Variants in TGFBI observed in about 807,000 individuals in gnomAD.
TGFBI encodes transforming growth factor-beta-induced protein ig-h3.
A neutral mutation model predicts 73.7 loss-of-function variants in TGFBI; 50 were observed. That is an observed-to-expected ratio of 0.68 (90% CI 0.54 to 0.86). The LOEUF (loss-of-function observed/expected upper bound fraction) is 0.86, where lower values mean the gene tolerates loss of function less well. Ranked by LOEUF, TGFBI falls within the 40% of genes least tolerant of loss-of-function variation. The pLI, the probability that TGFBI is intolerant of heterozygous loss-of-function variation, is 0.00. For missense variants in TGFBI, 839 were observed against 877.0 expected (o/e 0.96, Z 0.55); for synonymous variants, 362 against 360.5 (o/e 1.00, Z -0.05).
rs191330120 is a variant in TGFBI, at chr5:136,062,286, G to A, written c.1987-377G>A. On this transcript the variant is annotated intron_variant, in intron 15 of 16. Transcript: ENST00000442011. ...TAAACCCAGAGGCCTGGAGCTTACT[G>A]TGTCACTTTACTTTTGTACACAGGG... Among the ~76,000 whole-genome samples the A allele has an allele frequency of 6.6e-5, 10 of 152,244 alleles. No homozygotes were observed. The East Asian group carries it at 1.7e-3, about 27-fold the overall frequency.
intron 11 of TGFBI, among the ~76,000 whole-genome samples, 192 bp downstream of exon 11, chr5:136,056,008 A>G (rs1285565180): frequency 6.6e-6 from 1 of 152,194 alleles, no homozygotes; most frequent in African/African-American, 2.4e-5. Context: ...ATTGGGAAGA[A>G]GGGTTACTTC....
At chr5:136,042,462 C>A (rs757757827) in intron 2 of TGFBI, among the ~76,000 whole-genome samples, 8 of 152,282 alleles carry the variant, frequency 5.3e-5, no homozygotes, top group Non-Finnish European at 7.3e-5. Flanking sequence ...TACACCACAC[C>A]ACCTTTGAAA....
At chr5:136,043,186 G>C (rs1751370011) in intron 2 of TGFBI, among the ~76,000 whole-genome samples, 1 of 152,188 alleles carries the variant, frequency 6.6e-6, no homozygotes, top group Non-Finnish European at 1.5e-5. Flanking sequence ...AGCAGAACCT[G>C]GGGATTTGGT....
At chr5:136,040,879 C>G (rs900732841) in intron 2 of TGFBI, among the ~76,000 whole-genome samples, 1 of 152,186 alleles carries the variant, frequency 6.6e-6, no homozygotes, top group Admixed American at 6.5e-5. Context: ...TTGCTCCCAG[C>G]CCATCCAACC....
At chr5:136,035,437 C>G (rs1268478014) in intron 2 of TGFBI, among the ~76,000 whole-genome samples, 1 of 152,078 alleles carries the variant, frequency 6.6e-6, no homozygotes, top group Non-Finnish European at 1.5e-5. Flanking sequence ...TCCTGGCTAA[C>G]ATGGTGAAAC....
intron 11 of TGFBI, 24 bp from the exon 12 acceptor site, chr5:136,056,641 C>T (rs778698555): frequency 6.2e-7 from 1 of 1,613,654 alleles, no homozygotes; most frequent in South Asian, 1.1e-5. Context: ...TGACAGGTGA[C>T]ATTTTCTGTG....
chr5:136,051,145 A>T (rs1751525334), intron 7 of TGFBI, among the ~76,000 whole-genome samples: 1 of 152,038 alleles, frequency 6.6e-6, no homozygotes. Context: ...AGACCTCAGA[A>T]CTCCTTACTA....
chr5:136,039,593 C>T (rs1368054406), intron 2 of TGFBI, among the ~76,000 whole-genome samples: 1 of 152,230 alleles, frequency 6.6e-6, no homozygotes, highest in Non-Finnish European at 1.5e-5. Flanking sequence ...ATCCCCAAGA[C>T]CGCTCATCAG....
At chr5:136,056,055 G>A (rs1360823087) in intron 11 of TGFBI, among the ~76,000 whole-genome samples, 1 of 152,170 alleles carries the variant, frequency 6.6e-6, no homozygotes, top group African/African-American at 2.4e-5. Context: ...GAAGCAGGGA[G>A]GGGGGACTAC....
At chr5:136,054,899 C>G in intron 10 of TGFBI, 38 bp downstream of exon 10, 1 of 1,603,750 alleles carries the variant, frequency 6.2e-7, no homozygotes, top group Non-Finnish European at 8.5e-7. Flanking sequence ...CTGGGAAGCT[C>G]CTTACTGTGG....
chr5:136,033,282 A>G (rs1751155462), intron 1 of TGFBI, among the ~76,000 whole-genome samples: 1 of 152,170 alleles, frequency 6.6e-6, no homozygotes, highest in Non-Finnish European at 1.5e-5. Context: ...CTAAGTAATG[A>G]ACAACTGAGA....
chr5:136,057,908 A>G (rs1482220775), intron 12 of TGFBI, among the ~76,000 whole-genome samples: 1 of 152,156 alleles, frequency 6.6e-6, no homozygotes, highest in African/African-American at 2.4e-5. Context: ...TCCAGCAAGA[A>G]TGGAATATTC....
At chr5:136,044,254 GC>G in intron 3 of TGFBI, 132 bp downstream of exon 3, 1 of 757,644 alleles carries the variant, frequency 1.3e-6, no homozygotes, top group South Asian at 1.7e-5. Context: ...CTCCCCACGT[GC>G]CCACTGGCCC....
chr5:136,046,126 C>A (rs990486053), intron 3 of TGFBI: 3 of 511,272 alleles, frequency 5.9e-6, no homozygotes, highest in African/African-American at 5.7e-5. Context: ...TAGTTGAGTT[C>A]ACGTAGACAG....
rs45455404 is a variant in TGFBI at position 136,046,989 on chromosome 5, A to T, written c.598A>T (p.Ile200Phe). The T allele has an allele frequency of 6.3e-5, 102 of 1,613,004 alleles. No homozygotes were observed. In the African/African-American group the frequency reaches 1.2e-3, roughly 19 times the overall value. Residue 200 changes from isoleucine (I) to phenylalanine (F), a missense_variant, in exon 5 of 17, where the codon ATC becomes TTC. By Grantham distance (21) the Ile-to-Phe change is conservative. Coordinates refer to ENST00000442011, the MANE Select transcript of TGFBI (RefSeq NM_000358.3). ...CACCTCTATGTACCAGAATTCCAAC[A>T]TCCAGATCCACCACTATCCTAATGG... ...TLTSMYQNSN[I>F]QIHHYPNGIV...
intron 3 of TGFBI, among the ~76,000 whole-genome samples, chr5:136,045,380 T>C (rs1232918950): frequency 7.2e-5 from 11 of 152,048 alleles, no homozygotes. Flanking sequence ...CTGTCTCTAC[T>C]AAAAATACAA....
chr5:136,042,552 G>A (rs1751357717), intron 2 of TGFBI, among the ~76,000 whole-genome samples: 2 of 152,100 alleles, frequency 1.3e-5, no homozygotes, highest in East Asian at 3.8e-4. Context: ...ATCAAGATGA[G>A]TCCCAAGACA....
chr5:136,041,162 C>T (rs935979272), intron 2 of TGFBI, among the ~76,000 whole-genome samples: 3 of 152,214 alleles, frequency 2.0e-5, no homozygotes, highest in Admixed American at 6.5e-5. Context: ...GGGCTGAAGG[C>T]GTGGCTAACC....
Position 136,051,011 on chromosome 5 carries a change from C to T in TGFBI, c.913+1431C>T, listed in dbSNP as rs191607925. Among the ~76,000 whole-genome samples the T allele has an allele frequency of 6.6e-5, 10 of 152,294 alleles. No individual in the cohort carries two copies. In the East Asian group the frequency reaches 1.7e-3, roughly 27 times the overall value. The stretch of plus-strand genomic sequence containing the variant: ...TGGTGAGTGCAATGACAGAGATACT[C>T]ACAGCACAAAATGGGGAATGAGGGC... On this transcript the variant is annotated intron_variant, in intron 7 of 16. Coordinates refer to ENST00000442011, the MANE Select transcript of TGFBI (RefSeq NM_000358.3).
Sources: gnomAD v4.1 joint callset for allele counts (sites outside exome capture counted in the v4.1 genomes callset) on GRCh38, gnomAD v4.1.1 for gene constraint, MANE v1.5 for transcripts, NCBI Gene and HGNC (gene_info 2026-07-23, HGNC 2026-07-21) for gene names.